Variants in NSD3 observed in about 807,000 individuals in gnomAD.
NSD3 encodes nuclear receptor binding SET domain protein 3, also known as histone-lysine N-methyltransferase NSD3.
Under a neutral mutation model 160.8 loss-of-function variants are expected in NSD3, and 24 were observed. That is an observed-to-expected ratio of 0.15 (90% CI 0.11 to 0.21). The LOEUF (loss-of-function observed/expected upper bound fraction) is 0.21. NSD3 is among the 10% of genes least tolerant of loss of function. The pLI, the probability that NSD3 is intolerant of heterozygous loss-of-function variation, is 1.00. For missense variants in NSD3, 1,157 were observed against 1,735.9 expected (o/e 0.67, Z 5.93); for synonymous variants, 520 against 600.0 (o/e 0.87, Z 1.95).
chr8:38,334,474 G>T (rs1035633250), intron 4 of NSD3, among the ~76,000 whole-genome samples: 2 of 152,174 alleles, frequency 1.3e-5, no homozygotes, highest in African/African-American at 4.8e-5. Flanking sequence ...GGGTGAATTG[G>T]CCAGGAGCAG....
At chr8:38,276,690 T>A in intron 22 of NSD3, 190 bp from the exon 23 acceptor site, 1 of 637,322 alleles carries the variant, frequency 1.6e-6, no homozygotes, top group Non-Finnish European at 2.6e-6. Flanking sequence ...ACTTAAAAAT[T>A]ATTTTATTTT....
chr8:38,361,754 CAAAAAA>C (rs756700150), intron 1 of NSD3, among the ~76,000 whole-genome samples: 15 of 31,170 alleles, frequency 4.8e-4, no homozygotes, highest in East Asian at 2.7e-3. Flanking sequence ...GACTCCGTCT[CAAAAAA>C]AAAAAAAAAA....
chr8:38,334,865 A>G (rs995723385), intron 4 of NSD3, among the ~76,000 whole-genome samples: 2 of 152,046 alleles, frequency 1.3e-5, no homozygotes, highest in Non-Finnish European at 2.9e-5. Flanking sequence ...ATTAAAATAT[A>G]TAGGTTAAAA....
At chr8:38,370,266 T>A (rs1236472182) in intron 1 of NSD3, among the ~76,000 whole-genome samples, 1 of 152,204 alleles carries the variant, frequency 6.6e-6, no homozygotes, top group African/African-American at 2.4e-5. Context: ...AAAACATACT[T>A]TCCACAGATG....
chr8:38,314,753 G>A lies in NSD3; in HGVS notation c.2136C>T (p.Asp712=), dbSNP rs764869598. The change falls in exon 12 of 24, where the codon GAC becomes GAT. Residue 712 remains aspartate, a synonymous_variant. Coordinates refer to ENST00000317025, the MANE Select transcript of NSD3 (RefSeq NM_023034.2). ...ACTCTCCCTCACAAGGAATCAGAGA[G>A]TCACCAGAGCTTTCACAAATCTGTA... ...TVCQICESSG[D]SLIPCEGECC... The A allele has an allele frequency of 1.4e-5, 23 of 1,613,948 alleles. No homozygotes were observed. Among genetic ancestry groups the A allele is most frequent in the Non-Finnish European group, 1.7e-5 (20 of 1,179,980 alleles).
intron 1 of NSD3, among the ~76,000 whole-genome samples, chr8:38,355,341 G>C (rs1810797502): frequency 6.6e-6 from 1 of 151,904 alleles, no homozygotes; most frequent in African/African-American, 2.4e-5. Context: ...CATACAGTTA[G>C]AGCCTGGCCA....
chr8:38,303,418 A>G, intron 14 of NSD3: 1 of 985,282 alleles, frequency 1.0e-6, no homozygotes, highest in Non-Finnish European at 1.2e-6. Context: ...AGAAAGACAC[A>G]GTACTTCCTG....
At position 38,295,842 on chromosome 8, in the gene NSD3, T is replaced by G. The variant is rs774121640; in HGVS notation, c.2869A>C (p.Lys957Gln). 4.3e-6 allele frequency: 7 copies of G among 1,613,856 alleles called. No individual in the cohort carries two copies. Among genetic ancestry groups the G allele is most frequent in the Non-Finnish European group, 5.9e-6 (7 of 1,179,950 alleles). ...WNCNDCKAGK[K>Q]LHYKQIVWVK... ...CAAACAATCTGCTTGTAATGTAGTT[T>G]CTTGCCAGCTTTACAGTCATTACAA... The change falls in exon 16 of 24, where the codon AAA becomes CAA. Residue 957 changes from lysine (K) to glutamine (Q), a missense_variant. Transcript: ENST00000317025.
chr8:38,357,270 T>C (rs191419392), intron 1 of NSD3, among the ~76,000 whole-genome samples: 9 of 152,252 alleles, frequency 5.9e-5, no homozygotes, highest in Admixed American at 4.6e-4. Context: ...GGTTAATCTG[T>C]AAATCAAACC....
chr8:38,286,327 A>G (rs77083684), intron 19 of NSD3, among the ~76,000 whole-genome samples: 2,284 of 152,184 alleles, frequency 0.015, 26 homozygotes, highest in East Asian at 0.03. Flanking sequence ...ACACCCCAAA[A>G]CAAAAACAAC....
At chr8:38,280,594 AT>A (rs1808709305) in intron 20 of NSD3, among the ~76,000 whole-genome samples, 4 of 152,226 alleles carry the variant, frequency 2.6e-5, no homozygotes, top group Admixed American at 2.6e-4. Context: ...CAAATCACTT[AT>A]CATGGCTGGA....
intron 14 of NSD3, among the ~76,000 whole-genome samples, chr8:38,302,211 C>T (rs1809293246): frequency 6.6e-6 from 1 of 152,154 alleles, no homozygotes; most frequent in Non-Finnish European, 1.5e-5. Flanking sequence ...ACAAGCAAAA[C>T]AAGCTAAGTT....
intron 1 of NSD3, among the ~76,000 whole-genome samples, chr8:38,361,851 G>T (rs1810975862): frequency 6.6e-6 from 1 of 151,808 alleles, no homozygotes; most frequent in Admixed American, 6.6e-5. Context: ...GTGTGACGAC[G>T]GGGAGAGAGG....
chr8:38,301,352 CG>C (rs753091278), intron 14 of NSD3, among the ~76,000 whole-genome samples: 2 of 152,242 alleles, frequency 1.3e-5, no homozygotes, highest in Non-Finnish European at 2.9e-5. Flanking sequence ...CCGAGACAGG[CG>C]GATCAGCTGA....
At chr8:38,350,436 G>C (rs921455466) in intron 1 of NSD3, among the ~76,000 whole-genome samples, 1 of 152,234 alleles carries the variant, frequency 6.6e-6, no homozygotes, top group Non-Finnish European at 1.5e-5. Context: ...CTGATGGCCA[G>C]TGAAGATGAG....
In NSD3 at chr8:38,326,794, T is replaced by C; in HGVS notation, c.1644A>G (p.Pro548=). ...RGQDRLIIST[P]NQRNEKPTQS... is the part of the protein sequence containing the mutation. The stretch of plus-strand genomic sequence containing the variant: ...GCGTTGGCTTTTCATTTCTCTGGTT[T>C]GGTGTAGAAATTATAAGCCTGTCTT... Residue 548 remains proline, a synonymous_variant, in exon 7 of 24, where the codon CCA becomes CCG. Transcript: ENST00000317025. 3.7e-6 allele frequency: 6 copies of C among 1,614,094 alleles called. No homozygotes were observed. Among genetic ancestry groups the C allele is most frequent in the Non-Finnish European group, 5.1e-6 (6 of 1,180,004 alleles).
Position 38,299,448 on chromosome 8 carries a change from C to G in NSD3, c.2754G>C (p.Glu918Asp). 6.2e-7 allele frequency: 1 copy of G among 1,609,344 alleles called. No homozygotes were observed. Among genetic ancestry groups the G allele is most frequent in the Non-Finnish European group, 8.5e-7 (1 of 1,178,758 alleles). The change falls in exon 15 of 24, where the codon GAG becomes GAC. Residue 918 changes from glutamate (E) to aspartate (D), a missense_variant. Coordinates refer to ENST00000317025, the MANE Select transcript of NSD3 (RefSeq NM_023034.2). ...AGAAACTATTTTGATTATTACCTTT[C>G]TCACATTTCTTTTTGGAAGCTGACG... is the stretch of plus-strand genomic sequence containing the variant. ...PSSSASKKKCEKGGRLLCCES... is the reference protein window; with the variant it reads ...PSSSASKKKCDKGGRLLCCES...
At chr8:38,372,135 T>C (rs1412181904) in intron 1 of NSD3, among the ~76,000 whole-genome samples, 6 of 152,234 alleles carry the variant, frequency 3.9e-5, no homozygotes, top group Admixed American at 3.3e-4. Context: ...TTTTGTTAAT[T>C]AAGATAGTTA....
At chr8:38,302,495 A>G (rs1809300329) in intron 14 of NSD3, among the ~76,000 whole-genome samples, 1 of 152,238 alleles carries the variant, frequency 6.6e-6, no homozygotes, top group African/African-American at 2.4e-5. Flanking sequence ...TTAAACAGGC[A>G]TTTAAATTCA....
Sources: allele counts gnomAD v4.1 joint callset (sites outside exome capture counted in the v4.1 genomes callset), GRCh38; gene constraint gnomAD v4.1.1; transcripts MANE v1.5; gene names NCBI Gene and HGNC (gene_info 2026-07-23, HGNC 2026-07-21).